The following ROBO2 variants were observed in gnomAD, a reference collection of about 807,000 sequenced individuals.
ROBO2 encodes the protein roundabout homolog 2.
ROBO2 carries 53 observed loss-of-function variants against 160.8 expected under a neutral mutation model. The ratio of observed to expected loss-of-function variants is 0.33; its 90% confidence interval spans 0.26 to 0.41. ROBO2 has a LOEUF of 0.41. Ranked by LOEUF, ROBO2 falls within the 10% of genes least tolerant of loss-of-function variation. The pLI is 1.00. For synonymous variants in ROBO2, 664 were observed against 611.7 expected, an observed-to-expected ratio of 1.09 and a Z score of -1.26; for missense variants, 1,577 against 1,722.4, an observed-to-expected ratio of 0.92 and a Z score of 1.49.
At chr3:76,978,953 A>G (rs1464937102) in intron 2 of ROBO2, among the ~76,000 whole-genome samples, 1 of 151,646 alleles carries the variant, frequency 6.6e-6, no homozygotes, top group Non-Finnish European at 1.5e-5. Flanking sequence ...TTAAAAAAAA[A>G]AAAAAGAAAA....
intron 2 of ROBO2, among the ~76,000 whole-genome samples, chr3:76,516,547 C>A (rs1033755848): frequency 6.6e-6 from 1 of 152,102 alleles, no homozygotes; most frequent in South Asian, 2.1e-4. Context: ...GGACTGTGAA[C>A]TTGGCTCTTG....
intron 2 of ROBO2, among the ~76,000 whole-genome samples, chr3:76,041,503 T>C (rs756345184): frequency 1.3e-5 from 2 of 152,076 alleles, no homozygotes; most frequent in Non-Finnish European, 2.9e-5. Flanking sequence ...TGTCTGTATG[T>C]CAAATGCATT....
intron 2 of ROBO2, among the ~76,000 whole-genome samples, chr3:77,239,458 A>G (rs2088621884): frequency 6.6e-6 from 1 of 152,124 alleles, no homozygotes; most frequent in Non-Finnish European, 1.5e-5. Context: ...CAGCAGCAAG[A>G]TTTATTGCAA....
At chr3:77,118,165 A>G (rs144296561) in intron 2 of ROBO2, among the ~76,000 whole-genome samples, 2,507 of 152,284 alleles carry the variant, frequency 0.016, 51 homozygotes, top group African/African-American at 0.057. Flanking sequence ...TTTCTTCTAT[A>G]GTTCTGTGGA....
At chr3:77,644,858 A>G in exon 25 of ROBO2, 2 of 1,614,100 alleles carry the variant, frequency 1.2e-6, no homozygotes, top group Non-Finnish European at 1.7e-6. Context: ...TTCTTGACAT[A>G]GGATATATGG....
At chr3:77,164,662 G>C (rs1225947028) in intron 2 of ROBO2, among the ~76,000 whole-genome samples, 1 of 113,126 alleles carries the variant, frequency 8.8e-6, no homozygotes, top group Admixed American at 8.6e-5. Context: ...GGAGGGAGGT[G>C]GGGGGGTCAG....
intron 2 of ROBO2, among the ~76,000 whole-genome samples, chr3:76,801,037 G>C (rs1285031029): frequency 6.6e-6 from 1 of 151,980 alleles, no homozygotes; most frequent in African/African-American, 2.4e-5. Flanking sequence ...AAGAAAACAT[G>C]GTACATATAC....
At chr3:76,074,286 G>C (rs2068571807) in intron 2 of ROBO2, among the ~76,000 whole-genome samples, 2 of 152,202 alleles carry the variant, frequency 1.3e-5, no homozygotes, top group South Asian at 4.1e-4. Flanking sequence ...GCAGGGGTTA[G>C]GAGAAGCTAC....
intron 2 of ROBO2, among the ~76,000 whole-genome samples, chr3:76,982,173 G>C (rs1473244544): frequency 6.6e-6 from 1 of 152,130 alleles, no homozygotes; most frequent in Non-Finnish European, 1.5e-5. Context: ...AGCTCATTAA[G>C]ATTTACCCCT....
chr3:76,482,459 T>G, intron 2 of ROBO2, among the ~76,000 whole-genome samples: 1 of 152,176 alleles, frequency 6.6e-6, no homozygotes, highest in East Asian at 1.9e-4. Context: ...AGTTTCAATT[T>G]ACTATAGAAG....
At chr3:77,366,833 G>A in intron 2 of ROBO2, among the ~76,000 whole-genome samples, 1 of 151,682 alleles carries the variant, frequency 6.6e-6, no homozygotes, top group East Asian at 1.9e-4. Context: ...GAGGAGGGAG[G>A]TGCCAGGCTC....
intron 2 of ROBO2, among the ~76,000 whole-genome samples, chr3:76,501,108 GTAT>G (rs1224861235): frequency 3.3e-5 from 5 of 152,282 alleles, no homozygotes; most frequent in Middle Eastern, 3.4e-3. Context: ...ACTGTTCACT[GTAT>G]TATTATGTAT....
chr3:77,070,864 T>G (rs930597053), intron 1 of ROBO2, among the ~76,000 whole-genome samples: 1 of 151,944 alleles, frequency 6.6e-6, no homozygotes, highest in African/African-American at 2.4e-5. Flanking sequence ...AGGGCAAGCT[T>G]TGTGGGTCCT....
At chr3:77,117,680 A>G (rs2074341376) in intron 2 of ROBO2, among the ~76,000 whole-genome samples, 1 of 152,142 alleles carries the variant, frequency 6.6e-6, no homozygotes, top group Admixed American at 6.5e-5. Flanking sequence ...AACTGGTTAT[A>G]TTTGTTGAGA....
intron 1 of ROBO2, among the ~76,000 whole-genome samples, chr3:75,929,439 T>G (rs1947438559): frequency 6.6e-6 from 1 of 152,220 alleles, no homozygotes; most frequent in Admixed American, 6.5e-5. Context: ...GTAATTATCT[T>G]AAAACAAAAC....
At chr3:76,304,902 G>A (rs551180047) in intron 2 of ROBO2, among the ~76,000 whole-genome samples, 1 of 151,474 alleles carries the variant, frequency 6.6e-6, no homozygotes, top group South Asian at 2.1e-4. Flanking sequence ...GCCCTTTCCA[G>A]CACTCAAGCG....
chr3:76,648,823 CTT>C (rs1301601760), intron 2 of ROBO2, among the ~76,000 whole-genome samples: 5 of 151,982 alleles, frequency 3.3e-5, no homozygotes, highest in African/African-American at 1.2e-4. Context: ...TTTTAAGAAA[CTT>C]AAGTGCAATA....
At chr3:77,560,885 A>G (rs1182136188) in intron 9 of ROBO2, among the ~76,000 whole-genome samples, 3 of 152,130 alleles carry the variant, frequency 2.0e-5, no homozygotes, top group Non-Finnish European at 4.4e-5. Context: ...TTCACAGACC[A>G]TATTCAAATG....
rs142964383 is a variant in ROBO2, at chr3:76,973,820, C to T, written c.110-124194C>T. ...CCCCATCCCATCCCAAAGGGCTCAC[C>T]GTCTAGTTCAAAACACAGTAGACAA... is the stretch of plus-strand genomic sequence containing the variant. On this transcript the variant is annotated intron_variant, in intron 2 of 26. Transcript: ENST00000487694. Among the ~76,000 whole-genome samples, 15 of 152,206 alleles carry T rather than the reference C, an allele frequency of 9.9e-5. No individual in the cohort carries two copies. In the South Asian group the frequency reaches 1.7e-3, roughly 17 times the overall value.
Sources: gnomAD v4.1 joint callset for allele counts (sites outside exome capture counted in the v4.1 genomes callset) on GRCh38, gnomAD v4.1.1 for gene constraint, MANE v1.5 for transcripts, NCBI Gene and HGNC (gene_info 2026-07-23, HGNC 2026-07-21) for gene names.